Variants in SCAI observed in about 807,000 individuals in gnomAD.
SCAI encodes suppressor of cancer cell invasion, also known as protein SCAI.
A neutral mutation model predicts 92.2 loss-of-function variants in SCAI; 24 were observed. That is an observed-to-expected ratio of 0.26 (90% CI 0.19 to 0.37). The LOEUF is 0.37. SCAI is among the 10% of genes least tolerant of loss of function. The probability of loss-of-function intolerance (pLI) is 1.00; values close to 1 mark genes in which losing one functional copy is unlikely to be tolerated. For missense variants in SCAI, 450 were observed against 736.2 expected, an observed-to-expected ratio of 0.61 and a Z score of 4.50; for synonymous variants, 261 against 258.6, an observed-to-expected ratio of 1.01 and a Z score of -0.09.
chr9:124,952,978 C>T, intron 17 of SCAI, 25 bp from the exon 18 acceptor site: 1 of 1,609,964 alleles, frequency 6.2e-7, no homozygotes, highest in Non-Finnish European at 8.5e-7. Context: ...AGAGAAAAGT[C>T]AAGTTTTGTA....
chr9:125,055,860 C>A lies in SCAI; in HGVS notation c.230+16G>T. ...CAGAACTAAAGAAAAGTTCAAAACACCAAGAGTCCACTCACCTTAACCCAT... is the reference window on the plus strand; with the variant it reads ...CAGAACTAAAGAAAAGTTCAAAACAACAAGAGTCCACTCACCTTAACCCAT... On this transcript the variant is annotated intron_variant, in intron 3 of 17. Coordinates refer to ENST00000336505, the MANE Select transcript of SCAI (RefSeq NM_001144877.3). 1.3e-6 allele frequency: 2 copies of A among 1,579,418 alleles called. No homozygotes were observed. Among genetic ancestry groups the A allele is most frequent in the East Asian group, 2.3e-5 (1 of 44,022 alleles).
intron 3 of SCAI, among the ~76,000 whole-genome samples, chr9:125,043,458 TTTG>T (rs1365747373): frequency 6.6e-6 from 1 of 152,134 alleles, no homozygotes; most frequent in Non-Finnish European, 1.5e-5. Flanking sequence ...CCAGTGGTTT[TTTG>T]TTGTTCTTTG....
rs1167871254 is a variant in SCAI, at chr9:125,136,456, C to CTTTTTTTTT, written c.98+6168_98+6176dup. Among the ~76,000 whole-genome samples, 8 of 95,214 alleles carry CTTTTTTTTT rather than the reference C, an allele frequency of 8.4e-5. 1 individual carries two copies. The highest frequency in any genetic ancestry group is 7.2e-4 in the South Asian group (2 of 2,784). The allele number at this position is 95,214 out of a possible 152,430, so 62.5% of individuals were successfully genotyped here. Reference sequence around the variant, plus strand: ...GTATAAAACTGATACTAATACCTTTCTTTTTTTTTTTTTTTTTTTTTTGAG... The same window carrying CTTTTTTTTT: ...GTATAAAACTGATACTAATACCTTTCTTTTTTTTTTTTTTTTTTTTTTTTTTTTTTTGAG... On this transcript the variant is annotated intron_variant, in intron 2 of 17. Coordinates refer to ENST00000336505, the MANE Select transcript of SCAI (RefSeq NM_001144877.3).
At chr9:125,030,624 G>T (rs759214738) in intron 3 of SCAI, among the ~76,000 whole-genome samples, 1 of 152,162 alleles carries the variant, frequency 6.6e-6, no homozygotes, top group Non-Finnish European at 1.5e-5. Context: ...CTGCAATTGC[G>T]ACTGAGTAGC....
intron 15 of SCAI, among the ~76,000 whole-genome samples, chr9:124,974,698 T>G (rs1367530501): frequency 1.3e-5 from 2 of 152,154 alleles, no homozygotes; most frequent in East Asian, 3.8e-4. Context: ...CTTTGTAGCA[T>G]GAAGATAGGA....
At chr9:125,126,280 T>G (rs1284217818) in intron 2 of SCAI, among the ~76,000 whole-genome samples, 1 of 152,172 alleles carries the variant, frequency 6.6e-6, no homozygotes, top group Non-Finnish European at 1.5e-5. Flanking sequence ...CCTCACCACA[T>G]GGCCCTCCCC....
rs959450465 is a variant in SCAI at position 124,947,418 on chromosome 9, T to C, written c.*5389A>G. The stretch of plus-strand genomic sequence containing the variant: ...ATAAATATCTAGCTTTCTGTTAAGA[T>C]CTTCATATCCTAATTTCAACTCCAA... On this transcript the variant is annotated 3_prime_UTR_variant, in exon 18 of 18. Coordinates refer to ENST00000336505, the MANE Select transcript of SCAI (RefSeq NM_001144877.3). 5.3e-5 allele frequency: 8 copies of C among 152,274 alleles called. No homozygotes were observed. Among genetic ancestry groups the C allele is most frequent in the African/African-American group, 1.9e-4 (8 of 41,564 alleles). The allele number at this position is 152,274 out of a possible 1,614,324, so 9.4% of individuals were successfully genotyped here.
At chr9:125,142,859 C>A (rs1396949861) in intron 1 of SCAI, among the ~76,000 whole-genome samples, 182 bp from the exon 2 acceptor site, 2 of 152,108 alleles carry the variant, frequency 1.3e-5, no homozygotes, top group African/African-American at 4.8e-5. Flanking sequence ...CCTAGCATTC[C>A]TGGGACTCAC....
chr9:125,047,216 T>C (rs898664235), intron 3 of SCAI, among the ~76,000 whole-genome samples: 1 of 152,010 alleles, frequency 6.6e-6, no homozygotes, highest in African/African-American at 2.4e-5. Flanking sequence ...ATGAGTTGCG[T>C]CCTTAGAAGA....
At chr9:125,085,004 A>G (rs1246337749) in intron 2 of SCAI, among the ~76,000 whole-genome samples, 1 of 152,198 alleles carries the variant, frequency 6.6e-6, no homozygotes, top group Non-Finnish European at 1.5e-5. Flanking sequence ...CTTCATTTGT[A>G]TGGAGGATAA....
intron 17 of SCAI, among the ~76,000 whole-genome samples, chr9:124,958,843 G>A (rs1209781349): frequency 1.3e-5 from 2 of 149,398 alleles, no homozygotes; most frequent in Non-Finnish European, 3.0e-5. Context: ...GGAGGCAGAG[G>A]TTGCAGTGAG....
chr9:124,970,347 CA>C (rs373219592), intron 17 of SCAI, among the ~76,000 whole-genome samples: 4 of 152,036 alleles, frequency 2.6e-5, no homozygotes, highest in African/African-American at 7.2e-5. Flanking sequence ...AGAATACATA[CA>C]ATATGGATTC....
At chr9:125,126,418 T>A (rs1172545346) in intron 2 of SCAI, among the ~76,000 whole-genome samples, 11 of 151,874 alleles carry the variant, frequency 7.2e-5, no homozygotes, top group East Asian at 3.9e-4. Flanking sequence ...TGTGTGTGTG[T>A]GTGTGAGAGA....
intron 2 of SCAI, among the ~76,000 whole-genome samples, chr9:125,064,609 G>A (rs1379565231): frequency 6.6e-6 from 1 of 152,102 alleles, no homozygotes; most frequent in Non-Finnish European, 1.5e-5. Flanking sequence ...ACTTTGGGAG[G>A]CTGAGGTGGG....
intron 2 of SCAI, among the ~76,000 whole-genome samples, chr9:125,074,445 T>C (rs60795053): frequency 2.0e-5 from 3 of 149,210 alleles, no homozygotes; most frequent in South Asian, 4.4e-4. Flanking sequence ...TTAGTAGAGA[T>C]GGGGGTCTCA....
chr9:125,001,308 T>A (rs929592715), intron 12 of SCAI, among the ~76,000 whole-genome samples: 1 of 152,234 alleles, frequency 6.6e-6, no homozygotes, highest in African/African-American at 2.4e-5. Context: ...AGAATTTTTT[T>A]ATTTTTTTAT....
At chr9:125,010,576 C>T (rs541219553) in intron 9 of SCAI, among the ~76,000 whole-genome samples, 57 of 152,342 alleles carry the variant, frequency 3.7e-4, no homozygotes, top group African/African-American at 1.2e-3. Context: ...GACCTGCCTG[C>T]CTCTGTAGGC....
intron 2 of SCAI, among the ~76,000 whole-genome samples, chr9:125,099,217 T>C (rs1834627267): frequency 6.6e-6 from 1 of 152,060 alleles, no homozygotes. Flanking sequence ...TATATGCAGA[T>C]ACTTCCCCAA....
At chr9:124,976,239 T>A in intron 14 of SCAI, 53 bp from the exon 15 acceptor site, 1 of 1,253,546 alleles carries the variant, frequency 8.0e-7, no homozygotes, top group Non-Finnish European at 1.2e-6. Flanking sequence ...CAAAGATAGT[T>A]ACTTAGTAAT....
Sources: gnomAD v4.1 joint callset for allele counts (sites outside exome capture counted in the v4.1 genomes callset) on GRCh38, gnomAD v4.1.1 for gene constraint, MANE v1.5 for transcripts, NCBI Gene and HGNC (gene_info 2026-07-23, HGNC 2026-07-21) for gene names.